ERBB4: variants seen among roughly 807,000 people sequenced by gnomAD.
The protein encoded by ERBB4 is receptor tyrosine-protein kinase erbB-4.
In ERBB4, 42 loss-of-function variants were observed where a neutral mutation model predicts 158.0. The ratio of observed to expected loss-of-function variants is 0.27; its 90% CI spans 0.21 to 0.34. The LOEUF (loss-of-function observed/expected upper bound fraction) is 0.34. Among genes scored for constraint, ERBB4 ranks in the 10% least tolerant of loss-of-function variants. The pLI is 1.00. For missense variants in ERBB4, 1,333 were observed against 1,624.1 expected, an observed-to-expected ratio of 0.82 and a Z score of 3.08; for synonymous variants, 583 against 558.7, an observed-to-expected ratio of 1.04 and a Z score of -0.61.
At chr2:212,229,643 G>A (rs1376860254) in intron 1 of ERBB4, among the ~76,000 whole-genome samples, 2 of 152,168 alleles carry the variant, frequency 1.3e-5, no homozygotes, top group African/African-American at 4.8e-5. Context: ...TTAGAAAGAG[G>A]TAAGACTGAA....
intron 1 of ERBB4, among the ~76,000 whole-genome samples, chr2:212,428,165 C>T (rs2091955137): frequency 6.6e-6 from 1 of 151,954 alleles, no homozygotes; most frequent in Admixed American, 6.6e-5. Flanking sequence ...GAATGACATA[C>T]AAATTGGGCA....
At chr2:212,338,004 G>T (rs545796953) in intron 1 of ERBB4, among the ~76,000 whole-genome samples, 54 of 152,172 alleles carry the variant, frequency 3.5e-4, no homozygotes, top group African/African-American at 1.3e-3. Flanking sequence ...ACTGTGCCAG[G>T]ATAATTGACA....
chr2:212,521,762 T>C (rs976173647), intron 1 of ERBB4, among the ~76,000 whole-genome samples: 3 of 151,958 alleles, frequency 2.0e-5, no homozygotes, highest in Non-Finnish European at 2.9e-5. Context: ...AATTCACCTA[T>C]ACTCACATGG....
chr2:211,712,047 G>A lies in ERBB4; in HGVS notation c.1124+3C>T. Reference sequence around the variant, plus strand: ...ATAACTTGCACAAAAATTTAATACTGACCCATGAATACCAGTGACTAGAAA... The same window carrying A: ...ATAACTTGCACAAAAATTTAATACTAACCCATGAATACCAGTGACTAGAAA... On this transcript the variant is annotated splice_donor_region_variant and intron_variant, in intron 9 of 27. Transcript: ENST00000342788. 6.2e-7 allele frequency: 1 copy of A among 1,610,354 alleles called. No individual in the cohort carries two copies. Among genetic ancestry groups the A allele is most frequent in the Non-Finnish European group, 8.5e-7 (1 of 1,176,952 alleles).
chr2:211,682,861 A>G (rs2072409656), intron 12 of ERBB4, among the ~76,000 whole-genome samples: 1 of 151,358 alleles, frequency 6.6e-6, no homozygotes, highest in Non-Finnish European at 1.5e-5. Flanking sequence ...TGTTTAAACC[A>G]TTTACATTTA....
intron 2 of ERBB4, among the ~76,000 whole-genome samples, chr2:212,069,741 C>CA (rs1176681518): frequency 6.6e-6 from 1 of 151,914 alleles, no homozygotes; most frequent in African/African-American, 2.4e-5. Flanking sequence ...GACAATATAA[C>CA]AAATAAACTG....
intron 3 of ERBB4, among the ~76,000 whole-genome samples, chr2:211,878,602 A>T (rs1007247516): frequency 1.3e-4 from 19 of 151,856 alleles, no homozygotes; most frequent in African/African-American, 4.6e-4. Flanking sequence ...TAAACATGGC[A>T]TGGAGAAAAT....
At chr2:212,064,971 C>T (rs1056405575) in intron 2 of ERBB4, among the ~76,000 whole-genome samples, 1 of 149,486 alleles carries the variant, frequency 6.7e-6, no homozygotes, top group African/African-American at 2.5e-5. Context: ...GTTCCACCAC[C>T]ATAACAACAT....
chr2:211,924,177 A>C (rs557422468), intron 3 of ERBB4, among the ~76,000 whole-genome samples: 68 of 152,332 alleles, frequency 4.5e-4, no homozygotes, highest in African/African-American at 1.5e-3. Context: ...GCAGCTATGG[A>C]CATCCAAAGG....
chr2:212,185,746 A>G (rs1413860230), intron 1 of ERBB4, among the ~76,000 whole-genome samples: 1 of 152,124 alleles, frequency 6.6e-6, no homozygotes, highest in Non-Finnish European at 1.5e-5. Context: ...AATAGAATCT[A>G]AAAGTAAAAT....
At chr2:211,580,538 T>C (rs1292535230) in intron 19 of ERBB4, among the ~76,000 whole-genome samples, 3 of 151,744 alleles carry the variant, frequency 2.0e-5, no homozygotes, top group Admixed American at 6.6e-5. Context: ...GGAACACTTC[T>C]ACACTGCTGG....
At chr2:212,348,265 G>A (rs1391855075) in intron 1 of ERBB4, among the ~76,000 whole-genome samples, 2 of 152,070 alleles carry the variant, frequency 1.3e-5, no homozygotes, top group Non-Finnish European at 1.5e-5. Context: ...CACCTATTTT[G>A]GTAAGGCACC....
intron 12 of ERBB4, among the ~76,000 whole-genome samples, chr2:211,696,235 C>A (rs758838200): frequency 1.3e-5 from 2 of 152,030 alleles, no homozygotes; most frequent in Non-Finnish European, 2.9e-5. Context: ...CTCAGCCTCC[C>A]GAGTAGCTGG....
intron 2 of ERBB4, among the ~76,000 whole-genome samples, chr2:212,065,024 TGTGTTGTG>T (rs1193858964): frequency 5.6e-5 from 8 of 144,062 alleles, no homozygotes; most frequent in African/African-American, 2.1e-4. Context: ...TGTGTGTGTG[TGTGTTGTG>T]TGTGTGTGTG....
intron 3 of ERBB4, among the ~76,000 whole-genome samples, chr2:211,929,267 C>CAGAGAG (rs140448083): frequency 7.1e-6 from 1 of 141,214 alleles, no homozygotes; most frequent in Non-Finnish European, 1.6e-5. Flanking sequence ...GTGTGTGTGA[C>CAGAGAG]AGAGAGAGAG....
chr2:212,238,488 C>T (rs1477813220), intron 1 of ERBB4, among the ~76,000 whole-genome samples: 1 of 152,132 alleles, frequency 6.6e-6, no homozygotes, highest in Non-Finnish European at 1.5e-5. Context: ...GTGTTGATCT[C>T]GCTGGAAGCT....
At chr2:211,392,584 A>G (rs1284014929) in intron 25 of ERBB4, among the ~76,000 whole-genome samples, 1 of 150,978 alleles carries the variant, frequency 6.6e-6, no homozygotes, top group African/African-American at 2.4e-5. Flanking sequence ...ACACACACAC[A>G]CACACACACA....
chr2:212,290,663 C>G (rs538186971), intron 1 of ERBB4, among the ~76,000 whole-genome samples: 10 of 150,312 alleles, frequency 6.7e-5, no homozygotes, highest in African/African-American at 2.4e-4. Flanking sequence ...TATTTCTTTT[C>G]GTGTGTGTGT....
At chr2:211,851,455 T>A (rs16825018) in intron 3 of ERBB4, among the ~76,000 whole-genome samples, 33,203 of 151,814 alleles carry the variant, frequency 0.22, 3,759 homozygotes, top group South Asian at 0.33. Flanking sequence ...GGTCAAAATG[T>A]TGTGGCCCAA....
Sources: gnomAD v4.1 joint callset for allele counts (sites outside exome capture counted in the v4.1 genomes callset) on GRCh38, gnomAD v4.1.1 for gene constraint, MANE v1.5 for transcripts, NCBI Gene and HGNC (gene_info 2026-07-23, HGNC 2026-07-21) for gene names.